The following PCDHA4 variants were observed in gnomAD, a reference collection of about 807,000 sequenced individuals.
The protein encoded by PCDHA4 is protocadherin alpha-4.
In PCDHA4, 49 loss-of-function variants were observed where a neutral mutation model predicts 61.4. The ratio of observed to expected loss-of-function variants is 0.80; its 90% CI spans 0.63 to 1.01. PCDHA4 has a LOEUF of 1.01. Among genes scored for constraint, PCDHA4 ranks in the 50% least tolerant of loss-of-function variants. The probability of loss-of-function intolerance (pLI) is 0.00; values close to 1 mark genes in which losing one functional copy is unlikely to be tolerated. For missense variants in PCDHA4, 1,254 were observed against 1,235.8 expected, an observed-to-expected ratio of 1.01 and a Z score of -0.22; for synonymous variants, 590 against 550.3, an observed-to-expected ratio of 1.07 and a Z score of -1.01.
In PCDHA4 at chr5:140,807,084, G is replaced by A; in HGVS notation, c.-104G>A. ...GAAGGAACCATATACACTCTTTGGA[G>A]TCTGAAATATGGAGGATGCAGCTGC... is the stretch of plus-strand genomic sequence containing the variant. On this transcript the variant is annotated 5_prime_UTR_variant, in exon 1 of 4. Transcript: ENST00000530339. The A allele has an allele frequency of 7.7e-7, 1 of 1,306,526 alleles. No individual in the cohort carries two copies. The highest frequency in any genetic ancestry group is 1.1e-6 in the Non-Finnish European group (1 of 940,830). The allele number at this position is 1,306,526 out of a possible 1,614,324, so 80.9% of individuals were successfully genotyped here.
chr5:140,982,441 T>G (rs368663739), intron 2 of PCDHA4, 34 bp from the exon 3 acceptor site: 18 of 1,613,728 alleles, frequency 1.1e-5, no homozygotes, highest in Non-Finnish European at 1.5e-5. Flanking sequence ...GAATTTATGA[T>G]CTAACCGTTA....
intron 1 of PCDHA4, among the ~76,000 whole-genome samples, chr5:140,907,552 C>A (rs576974083): frequency 1.4e-4 from 21 of 152,278 alleles, no homozygotes; most frequent in Admixed American, 1.3e-3. Flanking sequence ...GGAAGAGGTC[C>A]AATATAATCA....
chr5:140,895,857 G>C (rs1181424868), intron 1 of PCDHA4, among the ~76,000 whole-genome samples: 1 of 152,116 alleles, frequency 6.6e-6, no homozygotes, highest in Admixed American at 6.5e-5. Flanking sequence ...TGTACCCCAG[G>C]CTGGAGTGCA....
intron 1 of PCDHA4, among the ~76,000 whole-genome samples, chr5:140,885,554 A>G (rs1025656025): frequency 5.3e-5 from 8 of 152,140 alleles, no homozygotes; most frequent in African/African-American, 1.9e-4. Context: ...TGTTATTTCT[A>G]CGAAATTGAT....
intron 1 of PCDHA4, chr5:140,829,077 C>A (rs2150162312): frequency 1.2e-6 from 2 of 1,611,602 alleles, no homozygotes; most frequent in East Asian, 4.5e-5. Context: ...GGCCATCCTC[C>A]CATGGCGGGT....
chr5:140,966,788 C>A, intron 1 of PCDHA4: 1 of 1,527,436 alleles, frequency 6.5e-7, no homozygotes, highest in African/African-American at 1.4e-5. Flanking sequence ...GGGCACCAGA[C>A]CTGCGGCGAC....
intron 1 of PCDHA4, chr5:140,966,522 G>C (rs1350046535): frequency 2.3e-6 from 1 of 437,158 alleles, no homozygotes; most frequent in Non-Finnish European, 4.0e-6. Context: ...GCAGGAAGCC[G>C]AGCCGGGTTG....
chr5:140,901,244 T>C (rs1166862455), intron 1 of PCDHA4, among the ~76,000 whole-genome samples: 3 of 152,212 alleles, frequency 2.0e-5, no homozygotes, highest in Non-Finnish European at 4.4e-5. Context: ...TTTTTTCCTT[T>C]GGTTCCCTGT....
At chr5:140,824,673 T>C (rs1393313065) in intron 1 of PCDHA4, 1 of 143,292 alleles carries the variant, frequency 7.0e-6, no homozygotes, top group Non-Finnish European at 1.5e-5. Flanking sequence ...TTGCCCAGGC[T>C]GGTCTTGAAC....
At chr5:140,969,279 A>G (rs782221973) in intron 1 of PCDHA4, 3 of 1,614,244 alleles carry the variant, frequency 1.9e-6, no homozygotes, top group East Asian at 2.2e-5. Flanking sequence ...CAAAGTGGTC[A>G]GAATGCTGGG....
At chr5:140,887,961 G>A (rs1311969868) in intron 1 of PCDHA4, among the ~76,000 whole-genome samples, 1 of 151,770 alleles carries the variant, frequency 6.6e-6, no homozygotes, top group African/African-American at 2.4e-5. Flanking sequence ...GATTCTTTTT[G>A]TCTCTTTTAA....
chr5:140,857,831 G>A (rs1554150713), intron 1 of PCDHA4: 1 of 1,597,806 alleles, frequency 6.3e-7, no homozygotes, highest in Non-Finnish European at 8.6e-7. Flanking sequence ...TAAGGTGCGC[G>A]CAGTGGACGC....
chr5:140,922,275 C>T (rs782815629), intron 1 of PCDHA4, among the ~76,000 whole-genome samples: 1 of 152,052 alleles, frequency 6.6e-6, no homozygotes, highest in Non-Finnish European at 1.5e-5. Context: ...AAGATTGGAC[C>T]AAGATATGAA....
chr5:140,841,432 G>A (rs1365563680), intron 1 of PCDHA4: 5 of 1,612,878 alleles, frequency 3.1e-6, no homozygotes, highest in African/African-American at 1.3e-5. Flanking sequence ...CCGTCCCCGA[G>A]GAGGCCAAAC....
Position 140,877,923 on chromosome 5 carries a change from T to C in PCDHA4, c.2385+68351T>C, listed in dbSNP as rs1252401405. ...ATAACTACATTCTCTCATTTTTCTTTATGATTCTATCCTTTAAACTATCGA... is the reference window on the plus strand; with the variant it reads ...ATAACTACATTCTCTCATTTTTCTTCATGATTCTATCCTTTAAACTATCGA... On this transcript the variant is annotated intron_variant, in intron 1 of 3. Coordinates refer to ENST00000530339, the MANE Select transcript of PCDHA4 (RefSeq NM_018907.4). 5 of 1,421,040 alleles carry C rather than the reference T, an allele frequency of 3.5e-6. No individual in the cohort carries two copies. The African/African-American group carries it at 5.8e-5, about 16-fold the overall frequency. The allele number at this position is 1,421,040 out of a possible 1,614,324, so 88.0% of individuals were successfully genotyped here. A position where few individuals can be genotyped will look rare whatever the true frequency, so the allele number is the denominator to read the frequency against.
At chr5:141,004,213 GGTCA>G (rs3842022) in intron 3 of PCDHA4, among the ~76,000 whole-genome samples, 2 of 152,208 alleles carry the variant, frequency 1.3e-5, no homozygotes, top group East Asian at 3.8e-4. Context: ...CAGATTAGGA[GGTCA>G]GTCAGTGTTT....
At chr5:140,858,472 T>C in intron 1 of PCDHA4, 1 of 1,518,184 alleles carries the variant, frequency 6.6e-7, no homozygotes. Context: ...TTTTGTGCTT[T>C]ATGAATAATA....
intron 3 of PCDHA4, among the ~76,000 whole-genome samples, chr5:141,007,519 T>A (rs1554261363): frequency 6.6e-6 from 1 of 151,934 alleles, no homozygotes; most frequent in African/African-American, 2.4e-5. Context: ...AGTGAGCTGA[T>A]ATCTCGCCAC....
At chr5:140,877,490 G>T (rs2057160256) in intron 1 of PCDHA4, 2 of 1,613,718 alleles carry the variant, frequency 1.2e-6, no homozygotes, top group Non-Finnish European at 1.7e-6. Flanking sequence ...GTGGAGAACG[G>T]CCAGGCCCCA....
Sources: gnomAD v4.1 joint callset for allele counts (sites outside exome capture counted in the v4.1 genomes callset) on GRCh38, gnomAD v4.1.1 for gene constraint, MANE v1.5 for transcripts, NCBI Gene and HGNC (gene_info 2026-07-23, HGNC 2026-07-21) for gene names.